Variants in PSMG2 observed in about 807,000 individuals in gnomAD.
PSMG2 encodes the protein proteasome assembly chaperone 2.
A neutral mutation model predicts 31.5 loss-of-function variants in PSMG2; 21 were observed. The observed-to-expected ratio is 0.67, with a 90% confidence interval of 0.47 to 0.96. PSMG2 has a LOEUF of 0.96. Among genes scored for constraint, PSMG2 ranks in the 40% least tolerant of loss-of-function variants. The probability of loss-of-function intolerance (pLI) is 0.00; values close to 1 mark genes in which losing one functional copy is unlikely to be tolerated. For synonymous variants in PSMG2, 120 were observed against 110.4 expected, an observed-to-expected ratio of 1.09 and a Z score of -0.54; for missense variants, 318 against 321.2, an observed-to-expected ratio of 0.99 and a Z score of 0.08.
chr18:12,700,006 G>C (rs1446377836), upstream of PSMG2: 1 of 592,826 alleles, frequency 1.7e-6, no homozygotes, highest in South Asian at 3.6e-5. Context: ...AAGTCAACAG[G>C]GTAAGGCCCT....
At chr18:12,685,469 A>G (rs2039508880) in intron 1 of PSMG2, 1 of 152,140 alleles carries the variant, frequency 6.6e-6, no homozygotes, top group African/African-American at 2.4e-5. Flanking sequence ...TAAATAAGAA[A>G]CTACATGAGA....
intron 1 of PSMG2, among the ~76,000 whole-genome samples, chr18:12,664,606 A>G (rs1443586830): frequency 1.3e-5 from 2 of 151,948 alleles, no homozygotes; most frequent in African/African-American, 4.8e-5. Context: ...GCTGGTCTCA[A>G]ATTCCTGGGC....
intron 1 of PSMG2, among the ~76,000 whole-genome samples, chr18:12,687,207 G>T (rs1259899417): frequency 1.3e-5 from 2 of 152,054 alleles, no homozygotes; most frequent in Non-Finnish European, 2.9e-5. Flanking sequence ...CCCTGATAGG[G>T]TTCCTCAGGA....
At chr18:12,693,296 T>C (rs900910081) in intron 1 of PSMG2, among the ~76,000 whole-genome samples, 1 of 152,148 alleles carries the variant, frequency 6.6e-6, no homozygotes, top group Non-Finnish European at 1.5e-5. Flanking sequence ...CAATGGTCCA[T>C]GTCTGCAATC....
chr18:12,719,230 T>C (rs1332488584), intron 4 of PSMG2, among the ~76,000 whole-genome samples: 1 of 152,006 alleles, frequency 6.6e-6, no homozygotes, highest in Non-Finnish European at 1.5e-5. Flanking sequence ...CCATTCGTAT[T>C]TGCAGAAATC....
At chr18:12,705,102 T>A (rs1421090432) in intron 1 of PSMG2, among the ~76,000 whole-genome samples, 3 of 152,154 alleles carry the variant, frequency 2.0e-5, no homozygotes, top group South Asian at 2.1e-4. Context: ...TTGCTCTTTT[T>A]TGCCCAGTCT....
intron 3 of PSMG2, among the ~76,000 whole-genome samples, chr18:12,716,112 T>C (rs563043317): frequency 6.6e-6 from 1 of 152,356 alleles, no homozygotes; most frequent in South Asian, 2.1e-4. Flanking sequence ...TGTTAAGTTG[T>C]ATACATAAGC....
intron 2 of PSMG2, among the ~76,000 whole-genome samples, chr18:12,710,099 C>G: frequency 1.3e-5 from 2 of 152,150 alleles, no homozygotes; most frequent in South Asian, 4.1e-4. Flanking sequence ...CCCGCCATCA[C>G]GCCCGGCTAC....
chr18:12,712,115 C>A (rs1291313972), intron 2 of PSMG2, among the ~76,000 whole-genome samples: 8 of 152,120 alleles, frequency 5.3e-5, no homozygotes, highest in African/African-American at 1.4e-4. Context: ...CTAGAGTGTG[C>A]CCCTTGTAGA....
chr18:12,725,637 C>T lies in PSMG2; in HGVS notation c.*106C>T. 2 of 702,318 alleles carry T rather than the reference C, an allele frequency of 2.8e-6. No individual in the cohort carries two copies. Among genetic ancestry groups the T allele is most frequent in the Non-Finnish European group, 4.4e-6 (2 of 454,690 alleles). The allele number at this position is 702,318 out of a possible 1,614,324, so 43.5% of individuals were successfully genotyped here. On this transcript the variant is annotated 3_prime_UTR_variant, in exon 7 of 7. Transcript: ENST00000317615. Reference sequence around the variant, plus strand: ...TGATCTGGTATTAGGAAATTACTTTCACAGTAAATATCAAAGAAAAAAGAT... The same window carrying T: ...TGATCTGGTATTAGGAAATTACTTTTACAGTAAATATCAAAGAAAAAAGAT...
Position 12,710,863 on chromosome 18 carries a change from G to T in PSMG2, c.230-1839G>T, listed in dbSNP as rs140285879. 1.8e-3 allele frequency among the ~76,000 whole-genome samples: 276 copies of T among 152,298 alleles called. 1 individual carries two copies. The highest frequency in any genetic ancestry group is 6.4e-3 in the African/African-American group (267 of 41,570). The stretch of plus-strand genomic sequence containing the variant: ...GCTAGTAATCCTAGCGCTTTGGGAG[G>T]CCAAGACGGGTGGATTGCCTGAGCT... On this transcript the variant is annotated intron_variant, in intron 2 of 6. Transcript: ENST00000317615.
At chr18:12,674,765 C>T in intron 1 of PSMG2, 3 of 1,558,852 alleles carry the variant, frequency 1.9e-6, no homozygotes, top group Non-Finnish European at 2.6e-6. Flanking sequence ...TATGAGCAAT[C>T]AAGAGAAAAA....
chr18:12,682,611 C>A (rs1480544012), intron 1 of PSMG2, among the ~76,000 whole-genome samples: 2 of 151,804 alleles, frequency 1.3e-5, no homozygotes, highest in Non-Finnish European at 2.9e-5. Flanking sequence ...ATGTAATAAC[C>A]AATCTTTTAT....
upstream of PSMG2, chr18:12,701,091 C>T: frequency 2.5e-6 from 4 of 1,612,996 alleles, no homozygotes; most frequent in Non-Finnish European, 3.4e-6. Flanking sequence ...AAGGATTTCT[C>T]TTATTCTACC....
intron 2 of PSMG2, among the ~76,000 whole-genome samples, chr18:12,707,169 A>G (rs1348903648): frequency 3.3e-5 from 5 of 152,170 alleles, no homozygotes; most frequent in Non-Finnish European, 5.9e-5. Flanking sequence ...TGTGTTAGCC[A>G]GGATGGTCTC....
At chr18:12,672,146 G>A (rs900367469) in intron 1 of PSMG2, among the ~76,000 whole-genome samples, 9 of 138,880 alleles carry the variant, frequency 6.5e-5, no homozygotes, top group East Asian at 4.3e-4. Flanking sequence ...ATGCAGTCTC[G>A]CTCTGCCTCC....
chr18:12,680,396 G>A (rs2039302944), intron 1 of PSMG2, among the ~76,000 whole-genome samples: 1 of 151,732 alleles, frequency 6.6e-6, no homozygotes, highest in East Asian at 1.9e-4. Context: ...AGGAGTTCGA[G>A]ACCAGCCTGG....
At chr18:12,697,169 T>C (rs2039985521) in intron 1 of PSMG2, 3 of 1,222,078 alleles carry the variant, frequency 2.5e-6, no homozygotes, top group Admixed American at 2.3e-5. Context: ...AAAATATATT[T>C]ACAAATGAAC....
At position 12,718,650 on chromosome 18, in the gene PSMG2, C is replaced by A; in HGVS notation, c.407+15C>A. The A allele has an allele frequency of 6.4e-7, 1 of 1,553,464 alleles. No homozygotes were observed. Among genetic ancestry groups the A allele is most frequent in the Non-Finnish European group, 8.8e-7 (1 of 1,139,524 alleles). The stretch of plus-strand genomic sequence containing the variant: ...CAGCTTCGTAGGTATGTTTCTGCCT[C>A]TGGAAAGTTATTTTTGGTATGGTTT... On this transcript the variant is annotated intron_variant, in intron 4 of 6. Coordinates refer to ENST00000317615, the MANE Select transcript of PSMG2 (RefSeq NM_020232.5).
Sources: gnomAD v4.1 joint callset for allele counts (sites outside exome capture counted in the v4.1 genomes callset) on GRCh38, gnomAD v4.1.1 for gene constraint, MANE v1.5 for transcripts, NCBI Gene and HGNC (gene_info 2026-07-23, HGNC 2026-07-21) for gene names.